Variants in BMPR1B observed in about 807,000 individuals in gnomAD.
BMPR1B encodes bone morphogenetic protein receptor type-1B.
In BMPR1B, 12 loss-of-function variants were observed where a neutral mutation model predicts 59.1. That is an observed-to-expected ratio of 0.20 (90% confidence interval 0.13 to 0.33). The LOEUF (loss-of-function observed/expected upper bound fraction) is 0.33. Ranked by LOEUF, BMPR1B falls within the 10% of genes least tolerant of loss-of-function variation. BMPR1B has a pLI of 1.00. For missense variants in BMPR1B, 550 were observed against 610.9 expected (o/e 0.90, Z 1.05); for synonymous variants, 237 against 207.3 (o/e 1.14, Z -1.23).
At chr4:94,880,732 A>G (rs184026179) in intron 2 of BMPR1B, among the ~76,000 whole-genome samples, 2 of 142,974 alleles carry the variant, frequency 1.4e-5, no homozygotes, top group East Asian at 2.1e-4. Context: ...TCCACCTCCC[A>G]GGTTCAAGCG....
rs575599087 is a variant in BMPR1B at position 95,024,697 on chromosome 4, A to G, written c.-18+28563A>G. ...ATATAGAAGACAGACAATAAATACAAAAACAAAGACCATTAAGCCAGATCA... is the reference window on the plus strand; with the variant it reads ...ATATAGAAGACAGACAATAAATACAGAAACAAAGACCATTAAGCCAGATCA... On this transcript the variant is annotated intron_variant, in intron 3 of 12. Transcript: ENST00000515059. 4.6e-5 allele frequency among the ~76,000 whole-genome samples: 7 copies of G among 152,336 alleles called. No homozygotes were observed. In the East Asian group the frequency reaches 1.3e-3, roughly 29 times the overall value.
intron 10 of BMPR1B, among the ~76,000 whole-genome samples, chr4:95,147,625 A>G (rs1734740554): frequency 6.6e-6 from 1 of 152,178 alleles, no homozygotes; most frequent in African/African-American, 2.4e-5. Context: ...AAGATTTTCC[A>G]CAGAGTTCAG....
At chr4:95,011,126 G>A (rs1211281282) in intron 3 of BMPR1B, among the ~76,000 whole-genome samples, 1 of 151,708 alleles carries the variant, frequency 6.6e-6, no homozygotes, top group Admixed American at 6.6e-5. Flanking sequence ...ACATGTGAAG[G>A]CTGGTTACGT....
intron 1 of BMPR1B, among the ~76,000 whole-genome samples, chr4:94,867,123 C>G (rs1196055429): frequency 6.6e-6 from 1 of 152,142 alleles, no homozygotes; most frequent in Non-Finnish European, 1.5e-5. Flanking sequence ...TTACCTGCGT[C>G]TTAAACTTTT....
chr4:94,819,010 C>T (rs904175650), intron 1 of BMPR1B, among the ~76,000 whole-genome samples: 3 of 152,040 alleles, frequency 2.0e-5, no homozygotes, highest in African/African-American at 7.2e-5. Flanking sequence ...GTGGCATGCA[C>T]CTGTAGTCCC....
Position 94,890,757 on chromosome 4 carries a change from C to G in BMPR1B, c.-113+14857C>G, listed in dbSNP as rs1017423894. Reference sequence around the variant, plus strand: ...GTGGTGAAGAGAGACAGTGCATGCTCTCTGGTGGCTCTTCTTGTAAGGGCA... The same window carrying G: ...GTGGTGAAGAGAGACAGTGCATGCTGTCTGGTGGCTCTTCTTGTAAGGGCA... On this transcript the variant is annotated intron_variant, in intron 2 of 12. Transcript: ENST00000515059. 4.5e-4 allele frequency among the ~76,000 whole-genome samples: 69 copies of G among 152,008 alleles called. 1 individual carries two copies. The highest frequency in any genetic ancestry group is 1.6e-3 in the African/African-American group (67 of 41,422).
chr4:94,946,141 G>C (rs982984892), intron 2 of BMPR1B, among the ~76,000 whole-genome samples: 5 of 152,138 alleles, frequency 3.3e-5, no homozygotes, highest in African/African-American at 1.2e-4. Context: ...CAAAAGTAGT[G>C]AGTACTGCCA....
intron 1 of BMPR1B, among the ~76,000 whole-genome samples, chr4:94,862,870 G>A (rs372820588): frequency 4.0e-5 from 6 of 151,620 alleles, no homozygotes; most frequent in South Asian, 2.1e-4. Context: ...GCGTCAACCC[G>A]GGAGGTGGAG....
intron 2 of BMPR1B, among the ~76,000 whole-genome samples, chr4:94,970,235 G>T (rs938360690): frequency 2.9e-4 from 41 of 140,770 alleles, no homozygotes; most frequent in African/African-American, 1.1e-3. Flanking sequence ...TCAGCTGTTT[G>T]TTTTTCTTCT....
chr4:94,760,062 T>C (rs1161835627), intron 1 of BMPR1B, among the ~76,000 whole-genome samples: 1 of 152,242 alleles, frequency 6.6e-6, no homozygotes, highest in African/African-American at 2.4e-5. Flanking sequence ...GTTGATATGA[T>C]CTCATTACTC....
chr4:94,762,889 G>A (rs1393924204), intron 1 of BMPR1B, among the ~76,000 whole-genome samples: 3 of 151,924 alleles, frequency 2.0e-5, no homozygotes, highest in African/African-American at 4.8e-5. Context: ...TGGGGGCTGG[G>A]GGTGTGCCAG....
chr4:95,116,421 G>GCGCACA, intron 6 of BMPR1B, among the ~76,000 whole-genome samples: 1,521 of 123,226 alleles, frequency 0.012, 13 homozygotes, highest in Admixed American at 0.017. Context: ...TTCAGCGCGC[G>GCGCACA]CACACACACA....
intron 3 of BMPR1B, among the ~76,000 whole-genome samples, chr4:95,000,720 T>TA (rs1321849707): frequency 6.6e-6 from 1 of 152,044 alleles, no homozygotes; most frequent in Non-Finnish European, 1.5e-5. Context: ...AAGCTTGCCT[T>TA]AGTATGGAAA....
In BMPR1B at chr4:94,965,209, G is replaced by A. The variant is rs114973144; in HGVS notation, c.-112-30831G>A. The stretch of plus-strand genomic sequence containing the variant: ...TAAGACACATTCTTGCCATATGTAC[G>A]TTATTTACCTTATGAAAGTTATATA... On this transcript the variant is annotated intron_variant, in intron 2 of 12. Coordinates refer to ENST00000515059, the MANE Select transcript of BMPR1B (RefSeq NM_001203.3). 8.4e-3 allele frequency among the ~76,000 whole-genome samples: 1,281 copies of A among 152,082 alleles called. 17 individuals carry two copies. Among genetic ancestry groups the A allele is most frequent in the African/African-American group, 0.029 (1,207 of 41,506 alleles).
rs185348717 is a variant in BMPR1B at position 94,917,514 on chromosome 4, C to T, written c.-113+41614C>T. 4.8e-3 allele frequency among the ~76,000 whole-genome samples: 728 copies of T among 152,286 alleles called. 1 individual carries two copies. Among genetic ancestry groups the T allele is most frequent in the Middle Eastern group, 0.014 (4 of 294 alleles). Reference sequence around the variant, plus strand: ...TTGGAGCTTTAAGATTTAACGACTGCCCTGCTGGGTTTCTGACTTCAGTGG... The same window carrying T: ...TTGGAGCTTTAAGATTTAACGACTGTCCTGCTGGGTTTCTGACTTCAGTGG... On this transcript the variant is annotated intron_variant, in intron 2 of 12. Transcript: ENST00000515059.
chr4:95,074,093 T>A (rs1262309098), intron 3 of BMPR1B, among the ~76,000 whole-genome samples: 1 of 148,702 alleles, frequency 6.7e-6, no homozygotes, highest in Non-Finnish European at 1.5e-5. Context: ...TTTGCCTTGG[T>A]AAGTGTTTTT....
At chr4:94,772,226 C>T (rs1722212115) in intron 1 of BMPR1B, among the ~76,000 whole-genome samples, 1 of 152,212 alleles carries the variant, frequency 6.6e-6, no homozygotes, top group Non-Finnish European at 1.5e-5. Flanking sequence ...GCCAGCCAGC[C>T]AGTGGGCTTC....
intron 1 of BMPR1B, among the ~76,000 whole-genome samples, chr4:94,813,026 A>G (rs2110641399): frequency 6.6e-6 from 1 of 151,096 alleles, no homozygotes; most frequent in South Asian, 2.1e-4. Flanking sequence ...CATCTTCCAT[A>G]GGGTTTTTAA....
At chr4:94,865,505 C>G (rs1004937738) in intron 1 of BMPR1B, among the ~76,000 whole-genome samples, 1 of 152,028 alleles carries the variant, frequency 6.6e-6, no homozygotes, top group Non-Finnish European at 1.5e-5. Flanking sequence ...ATTGTCCTGC[C>G]TCAGCCTCCC....
Sources: allele counts gnomAD v4.1 joint callset (sites outside exome capture counted in the v4.1 genomes callset), GRCh38; gene constraint gnomAD v4.1.1; transcripts MANE v1.5; gene names NCBI Gene and HGNC (gene_info 2026-07-23, HGNC 2026-07-21).